NRP2: variants seen among roughly 807,000 people sequenced by gnomAD.
NRP2 encodes the protein neuropilin 2.
A neutral mutation model predicts 110.4 loss-of-function variants in NRP2; 52 were observed. That is an observed-to-expected ratio of 0.47 (90% confidence interval 0.38 to 0.59). The LOEUF is 0.59. Ranked by LOEUF, NRP2 falls within the 20% of genes least tolerant of loss-of-function variation. The probability of loss-of-function intolerance (pLI) is 0.00; values close to 1 mark genes in which losing one functional copy is unlikely to be tolerated. For synonymous variants in NRP2, 508 were observed against 468.9 expected, an observed-to-expected ratio of 1.08 and a Z score of -1.08; for missense variants, 1,049 against 1,203.0, an observed-to-expected ratio of 0.87 and a Z score of 1.89.
chr2:205,723,258 C>G (rs1381609421), intron 4 of NRP2, among the ~76,000 whole-genome samples: 2 of 152,166 alleles, frequency 1.3e-5, no homozygotes, highest in Non-Finnish European at 2.9e-5. Context: ...AGGTGAAGAC[C>G]AACATGGATC....
intron 12 of NRP2, among the ~76,000 whole-genome samples, chr2:205,757,899 T>C (rs1264505816): frequency 1.7e-4 from 3 of 17,288 alleles, no homozygotes; most frequent in African/African-American, 1.6e-3. Flanking sequence ...TCTTTACCCT[T>C]TTTTTTTTTT....
At chr2:205,720,442 CAAAG>C (rs2056988230) in intron 3 of NRP2, among the ~76,000 whole-genome samples, 1 of 152,060 alleles carries the variant, frequency 6.6e-6, no homozygotes, top group Non-Finnish European at 1.5e-5. Context: ...TGACAGGAAC[CAAAG>C]AAAGATTCCG....
In NRP2 at chr2:205,713,717, A is replaced by G. The variant is rs574436596; in HGVS notation, c.252-2476A>G. 1.5e-4 allele frequency among the ~76,000 whole-genome samples: 23 copies of G among 152,338 alleles called. 2 individuals carry two copies. The highest frequency in any genetic ancestry group is 6.2e-4 in the South Asian group (3 of 4,828). On this transcript the variant is annotated intron_variant, in intron 2 of 16. Transcript: ENST00000357785. Reference sequence around the variant, plus strand: ...ATTGATTGTAGCAGGAGAGTATTCCATTTTATAAATATCCCAGATGGATTC... The same window carrying G: ...ATTGATTGTAGCAGGAGAGTATTCCGTTTTATAAATATCCCAGATGGATTC...
At chr2:205,688,239 T>C (rs1457162448) in intron 1 of NRP2, among the ~76,000 whole-genome samples, 1 of 152,198 alleles carries the variant, frequency 6.6e-6, no homozygotes, top group Non-Finnish European at 1.5e-5. Context: ...ATATTTGAGG[T>C]ATTTTATTAT....
intron 1 of NRP2, among the ~76,000 whole-genome samples, chr2:205,690,999 C>A (rs1348488793): frequency 6.6e-6 from 1 of 152,082 alleles, no homozygotes; most frequent in Non-Finnish European, 1.5e-5. Flanking sequence ...AGCGCAGTAG[C>A]TGTGGCCGCA....
chr2:205,786,772 T>TCAGTCACCAA (rs2058240701), intron 15 of NRP2, among the ~76,000 whole-genome samples: 1 of 152,182 alleles, frequency 6.6e-6, no homozygotes, highest in Non-Finnish European at 1.5e-5. Flanking sequence ...ATTTACCCAC[T>TCAGTCACCAA]TTGTCAGTTC....
intron 15 of NRP2, among the ~76,000 whole-genome samples, chr2:205,788,787 C>T (rs968256176): frequency 6.6e-6 from 1 of 152,188 alleles, no homozygotes; most frequent in African/African-American, 2.4e-5. Context: ...GGTGAGTCTT[C>T]ACTTCCCAAC....
At chr2:205,772,692 T>C (rs970814519) in intron 15 of NRP2, among the ~76,000 whole-genome samples, 4 of 152,182 alleles carry the variant, frequency 2.6e-5, no homozygotes, top group Non-Finnish European at 5.9e-5. Context: ...CCAGGCAAGG[T>C]TGAATTCTCA....
rs140401282 is a variant in NRP2 at position 205,694,044 on chromosome 2, G to A, written c.74-3500G>A. On this transcript the variant is annotated intron_variant, in intron 1 of 16. Coordinates refer to ENST00000357785, the MANE Select transcript of NRP2 (RefSeq NM_003872.3). Reference sequence around the variant, plus strand: ...AATACTTCTTAAAAATTAAATATTCGCAAGGAAAGTGATTGGGTTCTGTAG... The same window carrying A: ...AATACTTCTTAAAAATTAAATATTCACAAGGAAAGTGATTGGGTTCTGTAG... Among the ~76,000 whole-genome samples the A allele has an allele frequency of 5.9e-3, 901 of 152,160 alleles. 6 individuals carry two copies. Among genetic ancestry groups the A allele is most frequent in the African/African-American group, 0.02 (811 of 41,512 alleles).
intron 3 of NRP2, among the ~76,000 whole-genome samples, chr2:205,721,011 A>T (rs375154340): frequency 9.2e-5 from 14 of 152,320 alleles, no homozygotes; most frequent in African/African-American, 2.6e-4. Context: ...TGATGGATGG[A>T]TAGGTAGGAG....
At chr2:205,733,995 C>T (rs2057293380) in intron 7 of NRP2, among the ~76,000 whole-genome samples, 1 of 152,104 alleles carries the variant, frequency 6.6e-6, no homozygotes, top group African/African-American at 2.4e-5. Flanking sequence ...CAGAACGCAG[C>T]CGCCCCTGTG....
At chr2:205,790,004 C>T (rs1443097688) in intron 15 of NRP2, among the ~76,000 whole-genome samples, 1 of 152,182 alleles carries the variant, frequency 6.6e-6, no homozygotes, top group Non-Finnish European at 1.5e-5. Context: ...TTCTTTAAGG[C>T]TTGGTGAACA....
chr2:205,795,154 C>T lies in NRP2; in HGVS notation c.*96C>T. On this transcript the variant is annotated 3_prime_UTR_variant, in exon 17 of 17. Coordinates refer to ENST00000357785, the MANE Select transcript of NRP2 (RefSeq NM_003872.3). ...TCCTTTGGAAACTGAATGCCATAAT[C>T]TCGATCAAACCGATCCAGAATACCG... The T allele has an allele frequency of 2.5e-6, 3 of 1,188,796 alleles. No individual in the cohort carries two copies. Among genetic ancestry groups the T allele is most frequent in the Non-Finnish European group, 3.6e-6 (3 of 822,822 alleles). The allele number at this position is 1,188,796 out of a possible 1,614,324, so 73.6% of individuals were successfully genotyped here.
rs117679184 is a variant in NRP2, at chr2:205,748,709, G to C, written c.1787-1016G>C. 3.5e-4 allele frequency among the ~76,000 whole-genome samples: 53 copies of C among 152,280 alleles called. 1 individual carries two copies. In the East Asian group the frequency reaches 9.7e-3, roughly 28 times the overall value. On this transcript the variant is annotated intron_variant, in intron 10 of 16. Coordinates refer to ENST00000357785, the MANE Select transcript of NRP2 (RefSeq NM_003872.3). ...AAGGAGCATGTATAGAAATGAGAGGGACAAGGCACTGGCATCCTGTTGGAG... is the reference window on the plus strand; with the variant it reads ...AAGGAGCATGTATAGAAATGAGAGGCACAAGGCACTGGCATCCTGTTGGAG...
chr2:205,718,594 G>A (rs1342192843), intron 3 of NRP2, among the ~76,000 whole-genome samples: 1 of 152,194 alleles, frequency 6.6e-6, no homozygotes, highest in Non-Finnish European at 1.5e-5. Flanking sequence ...AGGGCCACTC[G>A]TACCTGCCGT....
At chr2:205,766,743 T>C in intron 14 of NRP2, 40 bp from the exon 15 acceptor site, 1 of 1,582,998 alleles carries the variant, frequency 6.3e-7, no homozygotes. Flanking sequence ...AATTGTTTCT[T>C]GCCTTTAACT....
chr2:205,794,542 G>T (rs2058334557), intron 16 of NRP2, among the ~76,000 whole-genome samples: 1 of 152,204 alleles, frequency 6.6e-6, no homozygotes, highest in Non-Finnish European at 1.5e-5. Context: ...ATTTCAAAGA[G>T]GAGAAAACTG....
intron 7 of NRP2, among the ~76,000 whole-genome samples, chr2:205,731,228 T>C (rs2057232763): frequency 6.6e-6 from 1 of 152,232 alleles, no homozygotes; most frequent in African/African-American, 2.4e-5. Flanking sequence ...CTTTAGATTA[T>C]ACAAATTGCT....
intron 7 of NRP2, among the ~76,000 whole-genome samples, chr2:205,739,185 C>T (rs2057397511): frequency 1.3e-5 from 2 of 152,098 alleles, no homozygotes; most frequent in African/African-American, 4.8e-5. Flanking sequence ...CTTTAAGGGC[C>T]CCATGACTCC....
Sources: gnomAD v4.1 joint callset for allele counts (sites outside exome capture counted in the v4.1 genomes callset) on GRCh38, gnomAD v4.1.1 for gene constraint, MANE v1.5 for transcripts, NCBI Gene and HGNC (gene_info 2026-07-23, HGNC 2026-07-21) for gene names.